The following MACROD2 variants were observed in gnomAD, a reference collection of about 807,000 sequenced individuals.
MACROD2 encodes the protein ADP-ribose glycohydrolase MACROD2.
A neutral mutation model predicts 70.4 loss-of-function variants in MACROD2; 36 were observed. That is an observed-to-expected ratio of 0.51 (90% CI 0.39 to 0.68). The LOEUF is 0.68. Among genes scored for constraint, MACROD2 ranks in the 30% least tolerant of loss-of-function variants. MACROD2 has a pLI of 0.00. For missense variants in MACROD2, 496 were observed against 538.4 expected, an observed-to-expected ratio of 0.92 and a Z score of 0.78; for synonymous variants, 172 against 178.8, an observed-to-expected ratio of 0.96 and a Z score of 0.30.
chr20:15,178,584 C>A (rs188306958), intron 5 of MACROD2, among the ~76,000 whole-genome samples: 2 of 152,304 alleles, frequency 1.3e-5, no homozygotes, highest in Non-Finnish European at 2.9e-5. Flanking sequence ...CTTTTAACCT[C>A]CCTATCAATC....
At chr20:14,085,986 G>A (rs1460225994) in intron 3 of MACROD2, among the ~76,000 whole-genome samples, 1 of 152,144 alleles carries the variant, frequency 6.6e-6, no homozygotes, top group South Asian at 2.1e-4. Context: ...GTGACAGATT[G>A]TTGCAGAAAG....
chr20:15,140,062 G>A (rs2076180322), intron 5 of MACROD2, among the ~76,000 whole-genome samples: 2 of 152,178 alleles, frequency 1.3e-5, no homozygotes, highest in African/African-American at 2.4e-5. Flanking sequence ...AAAAATGTGG[G>A]TGGGAATGAC....
At chr20:15,700,344 C>G (rs546284258) in intron 8 of MACROD2, among the ~76,000 whole-genome samples, 18 of 152,208 alleles carry the variant, frequency 1.2e-4, no homozygotes, top group Non-Finnish European at 2.2e-4. Context: ...GAGGGAGCAT[C>G]AGGCTGCAAG....
In MACROD2 at chr20:15,511,399, T is replaced by C. The variant is rs1337526798; in HGVS notation, c.645+11552T>C. ...AGACTTTTAGTTGTTGTTGCTTCTC[T>C]GACACTGCTCCTCGATATAAGCGCA... On this transcript the variant is annotated intron_variant, in intron 8 of 17. Transcript: ENST00000684519. 2.0e-5 allele frequency among the ~76,000 whole-genome samples: 3 copies of C among 152,314 alleles called. No homozygotes were observed. In the South Asian group the frequency reaches 6.2e-4, roughly 32 times the overall value.
At chr20:14,457,404 A>G (rs974123194) in intron 3 of MACROD2, among the ~76,000 whole-genome samples, 2 of 152,128 alleles carry the variant, frequency 1.3e-5, no homozygotes, top group African/African-American at 4.8e-5. Context: ...AGAACTGATA[A>G]AGTGAAGACA....
chr20:14,771,396 TATTATA>T (rs1181468123), intron 5 of MACROD2, among the ~76,000 whole-genome samples: 1 of 152,144 alleles, frequency 6.6e-6, no homozygotes, highest in Middle Eastern at 3.4e-3. Flanking sequence ...TCAAACACCA[TATTATA>T]ATTATAACTA....
intron 4 of MACROD2, among the ~76,000 whole-genome samples, chr20:14,657,679 A>G (rs1986041149): frequency 6.6e-6 from 1 of 152,204 alleles, no homozygotes. Context: ...TACATTAAAC[A>G]GTGTAGAACA....
At chr20:14,478,348 A>G (rs1403513985) in intron 3 of MACROD2, among the ~76,000 whole-genome samples, 2 of 152,164 alleles carry the variant, frequency 1.3e-5, no homozygotes, top group Non-Finnish European at 2.9e-5. Context: ...AGAGTGAGGC[A>G]GCTGTTTTCT....
intron 8 of MACROD2, among the ~76,000 whole-genome samples, chr20:15,758,810 T>TG (rs2146994102): frequency 6.6e-6 from 1 of 151,932 alleles, no homozygotes; most frequent in East Asian, 2.0e-4. Context: ...CCCAAAGTGC[T>TG]GGGATTAGAG....
intron 3 of MACROD2, among the ~76,000 whole-genome samples, chr20:14,286,203 A>C (rs1321249739): frequency 1.3e-5 from 2 of 152,146 alleles, no homozygotes; most frequent in Non-Finnish European, 2.9e-5. Context: ...TTGCATAGCT[A>C]TTCTGATGTC....
In MACROD2 at chr20:13,999,091, T is replaced by C. The variant is rs2052699791; in HGVS notation, c.47-3197T>C. Among the ~76,000 whole-genome samples the C allele has an allele frequency of 2.6e-5, 4 of 152,324 alleles. No homozygotes were observed. In the South Asian group the frequency reaches 8.3e-4, roughly 32 times the overall value. On this transcript the variant is annotated intron_variant, in intron 1 of 17. Coordinates refer to ENST00000684519, the MANE Select transcript of MACROD2 (RefSeq NM_001351661.2). Reference sequence around the variant, plus strand: ...TTTGTTCTATCTTAGAGGAAGGACTTTTCTTCCTTGTGTGTAAGATGAATC... The same window carrying C: ...TTTGTTCTATCTTAGAGGAAGGACTCTTCTTCCTTGTGTGTAAGATGAATC...
At chr20:15,843,554 G>A (rs1251534605) in intron 8 of MACROD2, among the ~76,000 whole-genome samples, 1 of 152,118 alleles carries the variant, frequency 6.6e-6, no homozygotes, top group Admixed American at 6.6e-5. Context: ...TTGGTCTTGT[G>A]GACCAAACTA....
intron 6 of MACROD2, among the ~76,000 whole-genome samples, chr20:15,236,166 G>A (rs1318983319): frequency 6.6e-6 from 1 of 152,158 alleles, no homozygotes; most frequent in Non-Finnish European, 1.5e-5. Context: ...GCCAGTGTGG[G>A]AAAAAGCTAA....
intron 5 of MACROD2, among the ~76,000 whole-genome samples, chr20:14,982,276 G>A (rs1042131993): frequency 3.9e-5 from 6 of 152,128 alleles, no homozygotes; most frequent in African/African-American, 1.4e-4. Context: ...AAGGGAAATG[G>A]AACATAAAAT....
chr20:14,879,920 A>G (rs192692614), intron 5 of MACROD2, among the ~76,000 whole-genome samples: 63 of 152,312 alleles, frequency 4.1e-4, no homozygotes, highest in African/African-American at 1.4e-3. Flanking sequence ...TACAAAGTCT[A>G]TGTGTTTCTC....
intron 8 of MACROD2, among the ~76,000 whole-genome samples, chr20:15,515,536 C>T (rs2047555856): frequency 6.6e-6 from 1 of 152,228 alleles, no homozygotes; most frequent in South Asian, 2.1e-4. Context: ...TGTGGATGTA[C>T]CTGTCAGCTT....
intron 15 of MACROD2, among the ~76,000 whole-genome samples, chr20:15,989,342 G>A (rs578001493): frequency 7.4e-4 from 112 of 152,210 alleles, no homozygotes; most frequent in African/African-American, 2.6e-3. Flanking sequence ...CAGCAGTTTT[G>A]ATATGGTCTA....
At chr20:14,164,526 A>T (rs2055237586) in intron 3 of MACROD2, among the ~76,000 whole-genome samples, 1 of 152,114 alleles carries the variant, frequency 6.6e-6, no homozygotes, top group Non-Finnish European at 1.5e-5. Context: ...TGATGGCAGT[A>T]TCAATGGTGG....
At chr20:15,252,975 G>A (rs956341893) in intron 6 of MACROD2, among the ~76,000 whole-genome samples, 2 of 152,178 alleles carry the variant, frequency 1.3e-5, no homozygotes, top group Non-Finnish European at 2.9e-5. Flanking sequence ...AATGTATGCT[G>A]TATCAGTCAG....
Sources: allele counts gnomAD v4.1 joint callset (sites outside exome capture counted in the v4.1 genomes callset), GRCh38; gene constraint gnomAD v4.1.1; transcripts MANE v1.5; gene names NCBI Gene and HGNC (gene_info 2026-07-23, HGNC 2026-07-21).